WWOX: variants seen among roughly 807,000 people sequenced by gnomAD.
WWOX encodes the protein WW domain containing oxidoreductase.
A neutral mutation model predicts 46.2 loss-of-function variants in WWOX; 69 were observed. The observed-to-expected ratio is 1.49, with a 90% confidence interval of 1.23 to 1.82. WWOX has a LOEUF of 1.82. Among genes scored for constraint, WWOX ranks in the 40% most tolerant of loss-of-function variants. The pLI, the probability that WWOX is intolerant of heterozygous loss-of-function variation, is 0.00. For synonymous variants in WWOX, 359 were observed against 202.6 expected (o/e 1.77, Z -6.56); for missense variants, 919 against 542.6 (o/e 1.69, Z -6.89).
At position 78,731,839 on chromosome 16, in the gene WWOX, C is replaced by CTT. The variant is rs1358966064; in HGVS notation, c.1056+299089_1056+299090dup. 3.1e-3 allele frequency among the ~76,000 whole-genome samples: 342 copies of CTT among 111,464 alleles called. 11 individuals carry two copies. The highest frequency in any genetic ancestry group is 0.017 in the African/African-American group (322 of 18,782). 73.1% of individuals were successfully genotyped at this position (111,464 alleles called of 152,430 possible). A position where few individuals can be genotyped will look rare whatever the true frequency, so the allele number is the denominator to read the frequency against. On this transcript the variant is annotated intron_variant, in intron 8 of 8. Coordinates refer to ENST00000566780, the MANE Select transcript of WWOX (RefSeq NM_016373.4). Reference sequence around the variant, plus strand: ...GCACTCCCCAATGCCAATTTTTTTTCTTTCTCTTTTTTTTTTTTTTTTTTG... The same window carrying CTT: ...GCACTCCCCAATGCCAATTTTTTTTCTTTTTCTCTTTTTTTTTTTTTTTTTTG...
chr16:78,685,875 G>C (rs889436831), intron 8 of WWOX, among the ~76,000 whole-genome samples: 4 of 147,418 alleles, frequency 2.7e-5, no homozygotes, highest in Non-Finnish European at 6.0e-5. Context: ...GGCCAAGAAA[G>C]GGAAAGAGAG....
rs370941313 is a variant in WWOX, at chr16:79,008,035, G to A, written c.1057-203573G>A. ...AGTCCTGGTTCAGGCTGGGACTTCT[G>A]CTCAGGGTCTCATGAGGCTGAAATC... On this transcript the variant is annotated intron_variant, in intron 8 of 8. Transcript: ENST00000566780. Among the ~76,000 whole-genome samples, 5 of 152,330 alleles carry A rather than the reference G, an allele frequency of 3.3e-5. No homozygotes were observed. The South Asian group carries it at 1.0e-3, about 32-fold the overall frequency.
intron 8 of WWOX, chr16:79,101,707 C>A (rs1168085123): frequency 6.7e-6 from 1 of 149,258 alleles, no homozygotes; most frequent in Non-Finnish European, 1.5e-5. Context: ...GGGATCATTT[C>A]TCATCCTCTC....
At position 78,550,859 on chromosome 16, in the gene WWOX, G is replaced by A. The variant is rs532641250; in HGVS notation, c.1056+118107G>A. ...AGGGCGGACCTAATTTTTTTTTTAAGGATTAAGAAAAAAGGAGTAAGAGAG... is the reference window on the plus strand; with the variant it reads ...AGGGCGGACCTAATTTTTTTTTTAAAGATTAAGAAAAAAGGAGTAAGAGAG... On this transcript the variant is annotated intron_variant, in intron 8 of 8. Coordinates refer to ENST00000566780, the MANE Select transcript of WWOX (RefSeq NM_016373.4). 26 of 152,002 alleles carry A rather than the reference G, an allele frequency of 1.7e-4. No homozygotes were observed. The South Asian group carries it at 4.8e-3, about 28-fold the overall frequency. The allele number at this position is 152,002 out of a possible 1,614,324, so 9.4% of individuals were successfully genotyped here. A position where few individuals can be genotyped will look rare whatever the true frequency, so the allele number is the denominator to read the frequency against.
intron 5 of WWOX, among the ~76,000 whole-genome samples, chr16:78,227,965 C>G (rs1052293541): frequency 5.3e-5 from 8 of 152,100 alleles, no homozygotes; most frequent in Admixed American, 1.3e-4. Context: ...TATTTATATT[C>G]CATTTCACCA....
At chr16:79,142,267 C>T (rs1031815592) in intron 8 of WWOX, among the ~76,000 whole-genome samples, 4 of 152,192 alleles carry the variant, frequency 2.6e-5, no homozygotes, top group Non-Finnish European at 5.9e-5. Context: ...CTGGTAGTGA[C>T]GGGTGCCTCC....
At chr16:78,185,310 G>T (rs947588311) in intron 5 of WWOX, among the ~76,000 whole-genome samples, 13 of 152,132 alleles carry the variant, frequency 8.5e-5, no homozygotes, top group African/African-American at 3.1e-4. Flanking sequence ...GAAGAATATA[G>T]AACAGGCGTC....
intron 8 of WWOX, among the ~76,000 whole-genome samples, chr16:78,733,882 G>A (rs757497045): frequency 2.6e-5 from 4 of 152,040 alleles, no homozygotes; most frequent in African/African-American, 7.2e-5. Context: ...CCTGGACAAC[G>A]TACAGAGACC....
chr16:78,684,544 C>T (rs2047811026), intron 8 of WWOX, among the ~76,000 whole-genome samples: 1 of 152,122 alleles, frequency 6.6e-6, no homozygotes, highest in Admixed American at 6.5e-5. Context: ...GCAAGCATGC[C>T]CGCTGGCTCA....
At chr16:78,854,357 A>G (rs1386225603) in intron 8 of WWOX, among the ~76,000 whole-genome samples, 1 of 152,174 alleles carries the variant, frequency 6.6e-6, no homozygotes, top group East Asian at 1.9e-4. Context: ...GAAACCTTTA[A>G]GTCTTTTAGC....
intron 8 of WWOX, among the ~76,000 whole-genome samples, chr16:79,181,632 T>G (rs1457730989): frequency 6.6e-6 from 1 of 152,182 alleles, no homozygotes; most frequent in Non-Finnish European, 1.5e-5. Context: ...CCCTTATTAC[T>G]CAGCCTTTGG....
rs1053065978 is a variant in WWOX at position 78,768,951 on chromosome 16, G to T, written c.1056+336199G>T. ...AGGAGGACGGTTTCCATTCTGTTTT[G>T]AGCATCAGAATAAAACCAAGCACCA... On this transcript the variant is annotated intron_variant, in intron 8 of 8. Transcript: ENST00000566780. Among the ~76,000 whole-genome samples, 5 of 152,074 alleles carry T rather than the reference G, an allele frequency of 3.3e-5. No individual in the cohort carries two copies. In the South Asian group the frequency reaches 8.3e-4, roughly 25 times the overall value.
At position 78,354,206 on chromosome 16, in the gene WWOX, G is replaced by A. The variant is rs74027846; in HGVS notation, c.517-32654G>A. Among the ~76,000 whole-genome samples, 912 of 151,940 alleles carry A rather than the reference G, an allele frequency of 6.0e-3. 11 individuals carry two copies. The highest frequency in any genetic ancestry group is 0.02 in the African/African-American group (815 of 41,416). On this transcript the variant is annotated intron_variant, in intron 5 of 8. Coordinates refer to ENST00000566780, the MANE Select transcript of WWOX (RefSeq NM_016373.4). Reference sequence around the variant, plus strand: ...TGTTTGTAAACATCTGTTTGGAAACGTTTGCTGGTGCCCACCCCAGCACCC... The same window carrying A: ...TGTTTGTAAACATCTGTTTGGAAACATTTGCTGGTGCCCACCCCAGCACCC...
At chr16:78,339,210 C>T (rs1430552358) in intron 5 of WWOX, among the ~76,000 whole-genome samples, 1 of 119,044 alleles carries the variant, frequency 8.4e-6, no homozygotes. Context: ...CACCACTATG[C>T]CATGTAGCAT....
At chr16:78,609,047 A>C (rs1312413828) in intron 8 of WWOX, among the ~76,000 whole-genome samples, 1 of 152,190 alleles carries the variant, frequency 6.6e-6, no homozygotes, top group African/African-American at 2.4e-5. Context: ...TATTAAAATG[A>C]TAGAAAAATT....
chr16:78,237,753 T>G (rs1215543966), intron 5 of WWOX: 2 of 152,238 alleles, frequency 1.3e-5, no homozygotes, highest in African/African-American at 4.8e-5. Flanking sequence ...CTGATTTCAG[T>G]GTCATAAAGT....
chr16:78,100,134 G>A (rs956132231), intron 1 of WWOX: 2 of 1,331,622 alleles, frequency 1.5e-6, no homozygotes, highest in Non-Finnish European at 9.6e-7. Flanking sequence ...ATGCAGCACT[G>A]CGCGGCGCGG....
intron 8 of WWOX, among the ~76,000 whole-genome samples, chr16:78,761,582 C>G (rs553295596): frequency 7.9e-4 from 120 of 152,144 alleles, no homozygotes; most frequent in African/African-American, 2.7e-3. Flanking sequence ...GACCTCAGGA[C>G]TCTCGCTGGT....
chr16:78,648,950 T>A (rs2046905677), intron 8 of WWOX, among the ~76,000 whole-genome samples: 1 of 152,182 alleles, frequency 6.6e-6, no homozygotes, highest in Non-Finnish European at 1.5e-5. Context: ...TTTGATTGTT[T>A]TTAATTAATA....
Sources: allele counts gnomAD v4.1 joint callset (sites outside exome capture counted in the v4.1 genomes callset), GRCh38; gene constraint gnomAD v4.1.1; transcripts MANE v1.5; gene names NCBI Gene and HGNC (gene_info 2026-07-23, HGNC 2026-07-21).